Variants in LUZP2 observed in about 807,000 individuals in gnomAD.
LUZP2 encodes the protein leucine zipper protein 2.
Under a neutral mutation model 51.6 loss-of-function variants are expected in LUZP2, and 52 were observed. The ratio of observed to expected loss-of-function variants is 1.01; its 90% CI spans 0.81 to 1.27. The LOEUF (loss-of-function observed/expected upper bound fraction) is 1.27, where lower values mean the gene tolerates loss of function less well. Ranked by LOEUF, LUZP2 falls within the 50% of genes most tolerant of loss-of-function variation. LUZP2 has a pLI of 0.00. For synonymous variants in LUZP2, 154 were observed against 137.3 expected (o/e 1.12, Z -0.85); for missense variants, 436 against 395.4 (o/e 1.10, Z -0.87).
At chr11:24,663,667 C>T (rs1856101653) in intron 1 of LUZP2, among the ~76,000 whole-genome samples, 1 of 152,044 alleles carries the variant, frequency 6.6e-6, no homozygotes, top group Non-Finnish European at 1.5e-5. Context: ...AGCCGTGTCC[C>T]CATCCAAATC....
intron 1 of LUZP2, among the ~76,000 whole-genome samples, chr11:24,613,964 C>T (rs1854205550): frequency 6.6e-6 from 1 of 151,948 alleles, no homozygotes; most frequent in African/African-American, 2.4e-5. Flanking sequence ...ACCGCCAACT[C>T]TTTGGTGTGT....
At chr11:24,928,887 A>T (rs866283206) in intron 7 of LUZP2, among the ~76,000 whole-genome samples, 8 of 151,994 alleles carry the variant, frequency 5.3e-5, no homozygotes, top group Middle Eastern at 6.8e-3. Flanking sequence ...GCAATATTTT[A>T]TTACAATTTC....
At chr11:24,728,657 G>A (rs1460469233) in intron 1 of LUZP2, among the ~76,000 whole-genome samples, 1 of 151,966 alleles carries the variant, frequency 6.6e-6, no homozygotes, top group Non-Finnish European at 1.5e-5. Context: ...CTTCTGAAAT[G>A]AGTAGTCATT....
chr11:24,939,744 G>A (rs915882763), intron 7 of LUZP2, among the ~76,000 whole-genome samples: 2 of 152,268 alleles, frequency 1.3e-5, no homozygotes, highest in Admixed American at 6.5e-5. Context: ...ATAGGCTGAT[G>A]TCAAATCATG....
intron 1 of LUZP2, among the ~76,000 whole-genome samples, chr11:24,624,270 A>G (rs1260049105): frequency 6.6e-6 from 1 of 152,202 alleles, no homozygotes; most frequent in Non-Finnish European, 1.5e-5. Flanking sequence ...CTAATAGTGA[A>G]CAATAGTCAC....
At chr11:24,961,294 G>T (rs186330420) in intron 7 of LUZP2, among the ~76,000 whole-genome samples, 1 of 152,140 alleles carries the variant, frequency 6.6e-6, no homozygotes, top group South Asian at 2.1e-4. Flanking sequence ...TCAATTCCTC[G>T]GTATTCTTGT....
At chr11:24,659,438 G>A (rs1423446486) in intron 1 of LUZP2, among the ~76,000 whole-genome samples, 1 of 152,062 alleles carries the variant, frequency 6.6e-6, no homozygotes, top group Non-Finnish European at 1.5e-5. Context: ...GGGGAGCGGG[G>A]AAGGACAGCA....
intron 5 of LUZP2, among the ~76,000 whole-genome samples, chr11:24,896,805 A>C (rs1407976363): frequency 6.6e-6 from 1 of 152,188 alleles, no homozygotes; most frequent in Non-Finnish European, 1.5e-5. Flanking sequence ...TAGCTGGAGG[A>C]TTGTATATGC....
At chr11:24,920,116 A>C (rs1298820649) in intron 7 of LUZP2, among the ~76,000 whole-genome samples, 2 of 151,880 alleles carry the variant, frequency 1.3e-5, no homozygotes, top group Non-Finnish European at 2.9e-5. Context: ...GGTAAATTAA[A>C]AACAATGTTT....
chr11:24,878,190 A>G (rs1426496605), intron 5 of LUZP2, among the ~76,000 whole-genome samples: 1 of 149,054 alleles, frequency 6.7e-6, no homozygotes, highest in African/African-American at 2.5e-5. Flanking sequence ...TTTCTTTCAG[A>G]TTGAAGAACT....
chr11:24,832,900 A>G (rs58956431), intron 5 of LUZP2, among the ~76,000 whole-genome samples: 1 of 148,542 alleles, frequency 6.7e-6, no homozygotes, highest in Non-Finnish European at 1.5e-5. Context: ...AGTCCCCTGT[A>G]TAATGAGTAT....
intron 1 of LUZP2, among the ~76,000 whole-genome samples, chr11:24,657,126 A>C (rs1223702075): frequency 2.6e-5 from 4 of 152,144 alleles, no homozygotes; most frequent in Non-Finnish European, 5.9e-5. Context: ...AGAAAAAAAC[A>C]AGAATAAAAG....
chr11:25,021,302 G>GA (rs57811370), intron 9 of LUZP2, among the ~76,000 whole-genome samples: 47 of 147,876 alleles, frequency 3.2e-4, no homozygotes, highest in Middle Eastern at 3.4e-3. Context: ...GAATTTGTCA[G>GA]AAAAAAAAAA....
chr11:25,024,465 C>G (rs1432544583), intron 9 of LUZP2, among the ~76,000 whole-genome samples: 3 of 152,126 alleles, frequency 2.0e-5, no homozygotes, highest in African/African-American at 7.2e-5. Flanking sequence ...GATACAAAAT[C>G]AATGTGCAAA....
At chr11:24,741,775 T>TTA (rs1399999574) in intron 4 of LUZP2, among the ~76,000 whole-genome samples, 11 of 145,696 alleles carry the variant, frequency 7.5e-5, no homozygotes, top group Non-Finnish European at 1.6e-4. Flanking sequence ...TTGTATTCCA[T>TTA]TATATATATA....
chr11:24,821,010 A>T (rs1254923159), intron 5 of LUZP2, among the ~76,000 whole-genome samples: 1 of 152,138 alleles, frequency 6.6e-6, no homozygotes, highest in Non-Finnish European at 1.5e-5. Context: ...AAAGCAACAA[A>T]TTGGAGTGTA....
intron 4 of LUZP2, among the ~76,000 whole-genome samples, chr11:24,743,899 A>C (rs1859278223): frequency 6.6e-6 from 1 of 152,034 alleles, no homozygotes; most frequent in Non-Finnish European, 1.5e-5. Context: ...TTTAATCATA[A>C]AGGGACGCTG....
At chr11:24,989,134 T>C (rs952316266) in intron 9 of LUZP2, among the ~76,000 whole-genome samples, 1 of 151,378 alleles carries the variant, frequency 6.6e-6, no homozygotes, top group Non-Finnish European at 1.5e-5. Context: ...AAAACAACTT[T>C]GGCAAATGTC....
chr11:24,917,033 G>T (rs1351007858), intron 7 of LUZP2, among the ~76,000 whole-genome samples: 1 of 152,096 alleles, frequency 6.6e-6, no homozygotes, highest in Non-Finnish European at 1.5e-5. Context: ...ATTCTAACTG[G>T]TGTGAGATGC....
Sources: gnomAD v4.1 joint callset for allele counts (sites outside exome capture counted in the v4.1 genomes callset) on GRCh38, gnomAD v4.1.1 for gene constraint, MANE v1.5 for transcripts, NCBI Gene and HGNC (gene_info 2026-07-23, HGNC 2026-07-21) for gene names.